Variants in ZDBF2 observed in about 807,000 individuals in gnomAD.
ZDBF2 encodes the protein zinc finger DBF-type containing 2.
A neutral mutation model predicts 9.4 loss-of-function variants in ZDBF2; 6 were observed. The observed-to-expected ratio is 0.64, with a 90% CI of 0.35 to 1.27. ZDBF2 has a LOEUF of 1.27. Among genes scored for constraint, ZDBF2 ranks in the 50% most tolerant of loss-of-function variants. The probability of loss-of-function intolerance (pLI) is 0.03; values close to 1 mark genes in which losing one functional copy is unlikely to be tolerated. For missense variants in ZDBF2, 2,697 were observed against 2,766.8 expected, an observed-to-expected ratio of 0.97 and a Z score of 0.57; for synonymous variants, 905 against 946.3, an observed-to-expected ratio of 0.96 and a Z score of 0.80.
intron 3 of ZDBF2, among the ~76,000 whole-genome samples, chr2:206,291,392 C>T (rs1691890832): frequency 6.6e-6 from 1 of 152,174 alleles, no homozygotes; most frequent in Non-Finnish European, 1.5e-5. Context: ...GGTGGAAACG[C>T]TTGCTTGCCT....
At chr2:206,288,993 T>TC (rs1691746176) in intron 3 of ZDBF2, among the ~76,000 whole-genome samples, 1 of 152,080 alleles carries the variant, frequency 6.6e-6, no homozygotes, top group Non-Finnish European at 1.5e-5. Flanking sequence ...ATGACTCCAT[T>TC]CCCCAGGTAA....
chr2:206,291,129 C>T (rs191097221), intron 3 of ZDBF2, among the ~76,000 whole-genome samples: 12 of 152,200 alleles, frequency 7.9e-5, no homozygotes, highest in East Asian at 3.9e-4. Flanking sequence ...TAATAAAATA[C>T]GATAGACTAG....
At chr2:206,288,705 C>T (rs373566758) in intron 3 of ZDBF2, among the ~76,000 whole-genome samples, 7 of 152,026 alleles carry the variant, frequency 4.6e-5, no homozygotes, top group African/African-American at 1.4e-4. Context: ...TTTAGGCACC[C>T]CCTAGTAGCT....
At chr2:206,297,411 A>C (rs1486745609) in intron 4 of ZDBF2, 38 bp downstream of exon 4, 1 of 1,568,696 alleles carries the variant, frequency 6.4e-7, no homozygotes, top group South Asian at 1.2e-5. Context: ...ATACGTAGTT[A>C]TATGTTACAG....
At position 206,309,198 on chromosome 2, in the gene ZDBF2, T is replaced by A; in HGVS notation, c.4670T>A (p.Val1557Asp). 1 of 1,607,846 alleles carries A rather than the reference T, an allele frequency of 6.2e-7. No individual in the cohort carries two copies. ...QLVTDPPQLT[V>D]KDISCINTEC... Reference sequence around the variant, plus strand: ...GTGACTGACCCACCTCAGTTGACTGTCAAAGATATCAGCTGTATAAATACA... The same window carrying A: ...GTGACTGACCCACCTCAGTTGACTGACAAAGATATCAGCTGTATAAATACA... Residue 1557 changes from valine to aspartate, a missense_variant, in exon 5 of 5, where the codon GTC (valine) becomes GAC (aspartate). By Grantham distance (152) the Val-to-Asp change is radical (BLOSUM62 -3). Transcript: ENST00000374423.
At position 206,311,607 on chromosome 2, in the gene ZDBF2, G is replaced by C. The variant is rs779081913; in HGVS notation, c.*14G>C. Reference sequence around the variant, plus strand: ...GAGGTAAAATAGAAGTTGGTTTTGTGTTCAGGCTAGTTGAGGATTCAGTAC... The same window carrying C: ...GAGGTAAAATAGAAGTTGGTTTTGTCTTCAGGCTAGTTGAGGATTCAGTAC... On this transcript the variant is annotated 3_prime_UTR_variant, in exon 5 of 5. Coordinates refer to ENST00000374423, the MANE Select transcript of ZDBF2 (RefSeq NM_020923.3). 6.1e-6 allele frequency: 9 copies of C among 1,473,392 alleles called. No individual in the cohort carries two copies. The highest frequency in any genetic ancestry group is 8.1e-6 in the Non-Finnish European group (9 of 1,111,772). 91.3% of individuals were successfully genotyped at this position (1,473,392 alleles called of 1,614,324 possible). A position where few individuals can be genotyped will look rare whatever the true frequency, so the allele number is the denominator to read the frequency against.
intron 3 of ZDBF2, among the ~76,000 whole-genome samples, chr2:206,284,901 G>A (rs1691522400): frequency 6.6e-6 from 1 of 152,132 alleles, no homozygotes; most frequent in African/African-American, 2.4e-5. Flanking sequence ...GCTGATTTTT[G>A]TATTTTTAGT....
In ZDBF2 at chr2:206,307,068, C is replaced by G; in HGVS notation, c.2540C>G (p.Ala847Gly). 1 of 1,611,780 alleles carries G rather than the reference C, an allele frequency of 6.2e-7. No homozygotes were observed. The highest frequency in any genetic ancestry group is 8.5e-7 in the Non-Finnish European group (1 of 1,179,240). Residue 847 changes from alanine (A) to glycine (G), a missense_variant, in exon 5 of 5, where the codon GCT becomes GGT. Physicochemically the swap from Ala to Gly is moderately conservative, Grantham distance 60. Coordinates refer to ENST00000374423, the MANE Select transcript of ZDBF2 (RefSeq NM_020923.3). ...LHSGNDHPEV[A>G]VKEVIQKEEY... ...TCAGGAAATGATCACCCTGAAGTAG[C>G]TGTTAAAGAAGTAATTCAGAAAGAA...
In ZDBF2 at chr2:206,312,703, C is replaced by T. The variant is rs1381873541; in HGVS notation, c.*1110C>T. On this transcript the variant is annotated 3_prime_UTR_variant, in exon 5 of 5. Transcript: ENST00000374423. Reference sequence around the variant, plus strand: ...TGCTGGGATTACAGTCATGAGCCACCATGCCCAGCCTACCATATCAGTTTT... The same window carrying T: ...TGCTGGGATTACAGTCATGAGCCACTATGCCCAGCCTACCATATCAGTTTT... 1 of 152,200 alleles carries T rather than the reference C, an allele frequency of 6.6e-6. No homozygotes were observed. Among genetic ancestry groups the T allele is most frequent in the East Asian group, 1.9e-4 (1 of 5,194 alleles). 9.4% of individuals were successfully genotyped at this position (152,200 alleles called of 1,614,324 possible).
chr2:206,308,872 A>G lies in ZDBF2; in HGVS notation c.4344A>G (p.Glu1448=), dbSNP rs1405618387. The G allele has an allele frequency of 6.2e-7, 1 of 1,612,822 alleles. No homozygotes were observed. The highest frequency in any genetic ancestry group is 2.2e-5 in the East Asian group (1 of 44,884). Residue 1448 remains glutamate (E), a synonymous_variant, in exon 5 of 5, where the codon GAA becomes GAG. Coordinates refer to ENST00000374423, the MANE Select transcript of ZDBF2 (RefSeq NM_020923.3). ...DHNDLENKNC[E]VCGSEIKCHS... is the part of the protein sequence containing the mutation. ...ATGATCTAGAAAATAAGAACTGTGA[A>G]GTCTGTGGTTCTGAAATAAAATGTC...
chr2:206,309,960 A>G lies in ZDBF2; in HGVS notation c.5432A>G (p.Asn1811Ser). The change falls in exon 5 of 5, where the codon AAT becomes AGT. Residue 1811 changes from asparagine to serine, a missense_variant. Asn to Ser is a conservative substitution (Grantham distance 46). Transcript: ENST00000374423. ...LKKAKDVIED[N>S]PDEPVLEALP... is the part of the protein sequence containing the mutation. ...AAAGCAAAGGATGTCATAGAGGATA[A>G]TCCTGATGAACCAGTTCTTGAAGCC... is the stretch of plus-strand genomic sequence containing the variant. The G allele has an allele frequency of 6.2e-7, 1 of 1,613,614 alleles. No homozygotes were observed. The highest frequency in any genetic ancestry group is 1.1e-5 in the South Asian group (1 of 90,972).
Position 206,309,274 on chromosome 2 carries a change from C to G in ZDBF2, c.4746C>G (p.Val1582=). 5.6e-6 allele frequency: 9 copies of G among 1,611,384 alleles called. No homozygotes were observed. The highest frequency in any genetic ancestry group is 7.6e-6 in the Non-Finnish European group (9 of 1,178,770). The part of the protein sequence containing the change: ...DKSCDFFGSE[V]RCNCKASTPS... The stretch of plus-strand genomic sequence containing the variant: ...GCTGTGACTTTTTTGGTTCTGAAGT[C>G]AGATGTAATTGTAAAGCCTCTACTC... The change falls in exon 5 of 5, where the codon GTC becomes GTG. Residue 1582 remains valine, a synonymous_variant. Coordinates refer to ENST00000374423, the MANE Select transcript of ZDBF2 (RefSeq NM_020923.3).
Position 206,308,953 on chromosome 2 carries a change from G to A in ZDBF2, c.4425G>A (p.Glu1475=). ...EVDQPQVSYK[E]ADLQKEEHVV... ...ACCAACCTCAAGTGTCTTACAAAGA[G>A]GCAGACCTTCAGAAGGAAGAGCATG... Residue 1475 remains glutamate (E), a synonymous_variant, in exon 5 of 5, where the codon GAG becomes GAA. Coordinates refer to ENST00000374423, the MANE Select transcript of ZDBF2 (RefSeq NM_020923.3). 6.2e-7 allele frequency: 1 copy of A among 1,613,534 alleles called. No individual in the cohort carries two copies. The highest frequency in any genetic ancestry group is 1.1e-5 in the South Asian group (1 of 91,024).
At chr2:206,279,788 G>A (rs1691216401) in intron 2 of ZDBF2, among the ~76,000 whole-genome samples, 196 bp downstream of exon 2, 1 of 152,062 alleles carries the variant, frequency 6.6e-6, no homozygotes, top group South Asian at 2.1e-4. Flanking sequence ...ATCACCTTGA[G>A]CATTTTATTT....
Position 206,308,218 on chromosome 2 carries a change from C to T in ZDBF2, c.3690C>T (p.Asp1230=). ...EISLWKDEEV[D]TEDRRNEAKG... ...GCCTTTGGAAGGATGAAGAAGTTGA[C>T]ACGGAAGATAGGAGAAATGAAGCTA... Residue 1230 remains aspartate (D), a synonymous_variant, in exon 5 of 5, where the codon GAC becomes GAT. Coordinates refer to ENST00000374423, the MANE Select transcript of ZDBF2 (RefSeq NM_020923.3). 1.2e-6 allele frequency: 2 copies of T among 1,613,770 alleles called. No homozygotes were observed. The highest frequency in any genetic ancestry group is 1.7e-6 in the Non-Finnish European group (2 of 1,179,816).
At position 206,308,037 on chromosome 2, in the gene ZDBF2, CA is replaced by C; in HGVS notation, c.3511del (p.Ile1171Ter). The C allele has an allele frequency of 6.2e-7, 1 of 1,613,876 alleles. No individual in the cohort carries two copies. Among genetic ancestry groups the C allele is most frequent in the Non-Finnish European group, 8.5e-7 (1 of 1,179,820 alleles). On this transcript the variant is annotated frameshift_variant, in exon 5 of 5. Transcript: ENST00000374423. LOFTEE classifies it low-confidence loss of function (END_TRUNC). ...TTGGATTCTGGTTTCTTGGGTCAGT[CA>C]ATAGTCAATCGACCTCAAATAACTA... is the stretch of plus-strand genomic sequence containing the variant. ...MNLDSGFLGQ[S>X]IVNRPQITIL...
At chr2:206,283,172 GAT>G (rs1382240819) in intron 3 of ZDBF2, among the ~76,000 whole-genome samples, 48 of 152,302 alleles carry the variant, frequency 3.2e-4, no homozygotes, top group African/African-American at 1.1e-3. Flanking sequence ...TGCTGCTATG[GAT>G]ATATGTGTAC....
Position 206,305,021 on chromosome 2 carries a change from G to A in ZDBF2, c.493G>A (p.Val165Ile). The change falls in exon 5 of 5, where the codon GTA becomes ATA. Residue 165 changes from valine (V) to isoleucine (I), a missense_variant. Val to Ile is a conservative substitution (Grantham distance 29). Transcript: ENST00000374423. Reference sequence around the variant, plus strand: ...GGCCAGTGTGAGAAAATGTAACCTAGTAGATATTGGTCAGGCTACAAATAA... The same window carrying A: ...GGCCAGTGTGAGAAAATGTAACCTAATAGATATTGGTCAGGCTACAAATAA... ...IGASVRKCNL[V>I]DIGQATNNRS... 6.2e-7 allele frequency: 1 copy of A among 1,613,694 alleles called. No homozygotes were observed. The highest frequency in any genetic ancestry group is 8.5e-7 in the Non-Finnish European group (1 of 1,179,764).
At position 206,305,537 on chromosome 2, in the gene ZDBF2, A is replaced by G. The variant is rs772161999; in HGVS notation, c.1009A>G (p.Met337Val). The change falls in exon 5 of 5, where the codon ATG becomes GTG. Residue 337 changes from methionine (M) to valine (V), a missense_variant. Physicochemically the swap from Met to Val is conservative, Grantham distance 21. Coordinates refer to ENST00000374423, the MANE Select transcript of ZDBF2 (RefSeq NM_020923.3). Reference protein sequence around the residue: ...AKNHEEFFSNMDCTQEEKHLV... With the variant: ...AKNHEEFFSNVDCTQEEKHLV... ...GAACCATGAGGAATTCTTTTCTAAC[A>G]TGGATTGTACCCAAGAAGAAAAGCA... 1.4e-5 allele frequency: 22 copies of G among 1,613,560 alleles called. No individual in the cohort carries two copies. In the African/African-American group the frequency reaches 2.1e-4, roughly 16 times the overall value.
Sources: gnomAD v4.1 joint callset for allele counts (sites outside exome capture counted in the v4.1 genomes callset) on GRCh38, gnomAD v4.1.1 for gene constraint, MANE v1.5 for transcripts, NCBI Gene and HGNC (gene_info 2026-07-23, HGNC 2026-07-21) for gene names.